Variants in OPN1LW observed in about 807,000 individuals in gnomAD.
OPN1LW encodes the protein opsin 1, long wave sensitive, also known as long-wave-sensitive opsin 1.
In OPN1LW, 4 loss-of-function variants were observed where a neutral mutation model predicts 18.1. The observed-to-expected ratio is 0.22, with a 90% CI of 0.11 to 0.51. The LOEUF (loss-of-function observed/expected upper bound fraction) is 0.51, where lower values mean the gene tolerates loss of function less well. Ranked by LOEUF, OPN1LW falls within the 20% of genes least tolerant of loss-of-function variation. OPN1LW has a pLI of 0.97. For missense variants in OPN1LW, 164 were observed against 234.9 expected, an observed-to-expected ratio of 0.70 and a Z score of 1.97; for synonymous variants, 86 against 101.2, an observed-to-expected ratio of 0.85 and a Z score of 0.90.
At position 154,154,716 on chromosome X, in the gene OPN1LW, C is replaced by A; in HGVS notation, c.721C>A (p.Gln241Lys). The A allele has an allele frequency of 6.7e-6, 8 of 1,193,536 alleles. No individual in the cohort carries two copies. Among genetic ancestry groups the A allele is most frequent in the Non-Finnish European group, 9.1e-6 (8 of 883,607 alleles). Residue 241 changes from glutamine (Q) to lysine (K), a missense_variant, in exon 4 of 6, where the codon CAA becomes AAA. By Grantham distance (53) the Gln-to-Lys change is moderately conservative. This residue lies in a region of OPN1LW where 106 missense variants were observed against 167.7 expected (regional missense o/e 0.63). Transcript: ENST00000369951. ...PLAIIMLCYL[Q>K]VWLAIRAVAK... ...CGCTATCATCATGCTCTGCTACCTC[C>A]AAGTGTGGCTGGCCATCCGAGCGGT...
intron 1 of OPN1LW, 67 bp from the exon 2 acceptor site, chrX:154,150,589 T>A: frequency 8.9e-7 from 1 of 1,119,121 alleles, no homozygotes; most frequent in Non-Finnish European, 1.2e-6. Context: ...AGAGGTGGGA[T>A]CAGCACTGGT....
At position 154,148,210 on chromosome X, in the gene OPN1LW, C is replaced by T. The variant is rs782625204; in HGVS notation, c.113-2446C>T. On this transcript the variant is annotated intron_variant, in intron 1 of 5. Coordinates refer to ENST00000369951, the MANE Select transcript of OPN1LW (RefSeq NM_020061.6). ...GTTGCAGTGAGCTATGATTGTGCCA[C>T]TGTACTCCAGCCTGGGTGCCAGAGC... 8.9e-4 allele frequency among the ~76,000 whole-genome samples: 92 copies of T among 103,785 alleles called. 12 individuals carry two copies. Among genetic ancestry groups the T allele is most frequent in the African/African-American group, 3.0e-3 (71 of 23,844 alleles). 90.1% of individuals were successfully genotyped at this position (103,785 alleles called of 115,157 possible).
rs1292153674 is a variant in OPN1LW, at chrX:154,154,693, C to T, written c.698C>T (p.Ala233Val). ...LMVTCCIIPL[A>V]IIMLCYLQVW... ...GTCACCTGCTGCATCATCCCACTCG[C>T]TATCATCATGCTCTGCTACCTCCAA... Residue 233 changes from alanine (A) to valine (V), a missense_variant, in exon 4 of 6, where the codon GCT becomes GTT. Ala to Val is a moderately conservative substitution (Grantham distance 64, BLOSUM62 0). This residue lies in a region of OPN1LW where 106 missense variants were observed against 167.7 expected (regional missense o/e 0.63). Coordinates refer to ENST00000369951, the MANE Select transcript of OPN1LW (RefSeq NM_020061.6). The T allele has an allele frequency of 8.4e-7, 1 of 1,190,711 alleles. No individual in the cohort carries two copies. The highest frequency in any genetic ancestry group is 1.1e-6 in the Non-Finnish European group (1 of 883,067).
chrX:154,156,463 C>T lies in OPN1LW; in HGVS notation c.914C>T (p.Ala305Val). ...PGYAFHPLMA[A>V]LPAYFAKSAT... ...TACGCCTTCCACCCTTTGATGGCTG[C>T]CCTGCCGGCCTACTTTGCCAAAAGT... Residue 305 changes from alanine to valine, a missense_variant, in exon 5 of 6, where the codon GCC becomes GTC. Ala to Val is a moderately conservative substitution (Grantham distance 64). Coordinates refer to ENST00000369951, the MANE Select transcript of OPN1LW (RefSeq NM_020061.6). 1 of 1,204,986 alleles carries T rather than the reference C, an allele frequency of 8.3e-7. No individual in the cohort carries two copies. The highest frequency in any genetic ancestry group is 1.1e-6 in the Non-Finnish European group (1 of 890,540).
rs1387440715 is a variant in OPN1LW at position 154,148,898 on chromosome X, G to A, written c.113-1758G>A. Among the ~76,000 whole-genome samples, 7 of 105,341 alleles carry A rather than the reference G, an allele frequency of 6.6e-5. 1 individual carries two copies. Among genetic ancestry groups the A allele is most frequent in the Non-Finnish European group, 9.4e-5 (5 of 53,081 alleles). The allele number at this position is 105,341 out of a possible 115,157, so 91.5% of individuals were successfully genotyped here. A position where few individuals can be genotyped will look rare whatever the true frequency, so the allele number is the denominator to read the frequency against. On this transcript the variant is annotated intron_variant, in intron 1 of 5. Coordinates refer to ENST00000369951, the MANE Select transcript of OPN1LW (RefSeq NM_020061.6). ...GACTTGTACTTGTGTCTCAGTACTG[G>A]CTGCTATAAGAAATTACCAGGCTGT...
chrX:154,145,749 T>G (rs1557156985), intron 1 of OPN1LW, among the ~76,000 whole-genome samples: 1 of 99,710 alleles, frequency 1.0e-5, no homozygotes, highest in African/African-American at 3.8e-5. Context: ...TCGGGGTGGG[T>G]TTTTTTTTTT....
In OPN1LW at chrX:154,156,491, C is replaced by A. The variant is rs1557158020; in HGVS notation, c.942C>A (p.Ala314=). Residue 314 remains alanine, a synonymous_variant, in exon 5 of 6, where the codon GCC becomes GCA. Coordinates refer to ENST00000369951, the MANE Select transcript of OPN1LW (RefSeq NM_020061.6). ...AALPAYFAKS[A]TIYNPVIYVF... is the part of the protein sequence containing the mutation. ...TGCCGGCCTACTTTGCCAAAAGTGC[C>A]ACTATCTACAACCCCGTTATCTATG... The A allele has an allele frequency of 1.2e-5, 14 of 1,204,303 alleles. No individual in the cohort carries two copies. Among genetic ancestry groups the A allele is most frequent in the Middle Eastern group, 2.3e-4 (1 of 4,322 alleles).
rs149719211 is a variant in OPN1LW at position 154,156,470 on chromosome X, G to C, written c.921G>C (p.Pro307=). ...YAFHPLMAAL[P]AYFAKSATIY... ...TCCACCCTTTGATGGCTGCCCTGCC[G>C]GCCTACTTTGCCAAAAGTGCCACTA... The change falls in exon 5 of 6, where the codon CCG becomes CCC. Residue 307 remains proline (P), a synonymous_variant. Transcript: ENST00000369951. 5.8e-6 allele frequency: 7 copies of C among 1,202,642 alleles called. No individual in the cohort carries two copies. The highest frequency in any genetic ancestry group is 7.9e-6 in the Non-Finnish European group (7 of 890,080).
chrX:154,148,696 G>A (rs1557157195), intron 1 of OPN1LW, among the ~76,000 whole-genome samples: 4 of 105,219 alleles, frequency 3.8e-5, no homozygotes, highest in Admixed American at 1.9e-4. Flanking sequence ...CTCCGAAAAC[G>A]GTCACATTCT....
At chrX:154,149,106 G>T (rs1159924171) in intron 1 of OPN1LW, among the ~76,000 whole-genome samples, 1 of 103,910 alleles carries the variant, frequency 9.6e-6, no homozygotes. Flanking sequence ...TCAGGAGGCT[G>T]AAGCGGGAGA....
At position 154,154,623 on chromosome X, in the gene OPN1LW, G is replaced by A. The variant is rs782715468; in HGVS notation, c.628G>A (p.Gly210Ser). 14 of 1,182,840 alleles carry A rather than the reference G, an allele frequency of 1.2e-5. No homozygotes were observed. In the South Asian group the frequency reaches 1.6e-4, roughly 14 times the overall value. The change falls in exon 4 of 6, where the codon GGC (glycine) becomes AGC (serine). Residue 210 changes from glycine (G) to serine (S), a missense_variant. Coordinates refer to ENST00000369951, the MANE Select transcript of OPN1LW (RefSeq NM_020061.6). ...KTSCGPDVFS[G>S]SSYPGVQSYM... ...TTCATGCGGCCCAGACGTGTTCAGC[G>A]GCAGCTCGTACCCCGGGGTGCAGTC...
Position 154,154,750 on chromosome X carries a change from C to G in OPN1LW, c.744+11C>G, listed in dbSNP as rs781890434. 1 of 1,184,561 alleles carries G rather than the reference C, an allele frequency of 8.4e-7. No homozygotes were observed. Among genetic ancestry groups the G allele is most frequent in the Non-Finnish European group, 1.1e-6 (1 of 878,153 alleles). On this transcript the variant is annotated intron_variant, in intron 4 of 5. Transcript: ENST00000369951. ...CTGGCCATCCGAGCGGTAAGCCCCC[C>G]GATTCCTCCTGGCCTCACCCGCCTC...
chrX:154,149,110 C>T (rs1362978075), intron 1 of OPN1LW, among the ~76,000 whole-genome samples: 17 of 102,993 alleles, frequency 1.7e-4, no homozygotes, highest in Non-Finnish European at 3.0e-4. Flanking sequence ...GAGGCTGAAG[C>T]GGGAGAATGG....
Position 154,150,650 on chromosome X carries a change from C to T in OPN1LW, c.113-6C>T, listed in dbSNP as rs1447733718. 1 of 1,193,022 alleles carries T rather than the reference C, an allele frequency of 8.4e-7. No individual in the cohort carries two copies. The highest frequency in any genetic ancestry group is 1.9e-5 in the African/African-American group (1 of 53,214). ...CTCCTCTCTCTCCTCTGCCTCCTGC[C>T]CTCAGGCCCCTTCGAAGGCCCGAAT... On this transcript the variant is annotated splice_polypyrimidine_tract_variant and splice_region_variant and intron_variant, in intron 1 of 5. Coordinates refer to ENST00000369951, the MANE Select transcript of OPN1LW (RefSeq NM_020061.6).
At chrX:154,149,565 G>C (rs1557157334) in intron 1 of OPN1LW, among the ~76,000 whole-genome samples, 1 of 91,043 alleles carries the variant, frequency 1.1e-5, no homozygotes, top group Non-Finnish European at 2.0e-5. Context: ...GAAAGGAAAA[G>C]AATAAAAGAG....
rs1288768228 is a variant in OPN1LW at position 154,154,708 on chromosome X, G to T, written c.713G>T (p.Cys238Phe). The T allele has an allele frequency of 2.5e-6, 3 of 1,189,562 alleles. No individual in the cohort carries two copies. The highest frequency in any genetic ancestry group is 1.1e-6 in the Non-Finnish European group (1 of 882,797). Reference protein sequence around the residue: ...CIIPLAIIMLCYLQVWLAIRA... With the variant: ...CIIPLAIIMLFYLQVWLAIRA... ...ATCCCACTCGCTATCATCATGCTCTGCTACCTCCAAGTGTGGCTGGCCATC... is the reference window on the plus strand; with the variant it reads ...ATCCCACTCGCTATCATCATGCTCTTCTACCTCCAAGTGTGGCTGGCCATC... The change falls in exon 4 of 6, where the codon TGC becomes TTC. Residue 238 changes from cysteine (C) to phenylalanine (F), a missense_variant. Cys to Phe is a radical substitution (Grantham distance 205). This residue lies in a region of OPN1LW where 106 missense variants were observed against 167.7 expected (regional missense o/e 0.63). Coordinates refer to ENST00000369951, the MANE Select transcript of OPN1LW (RefSeq NM_020061.6).
In OPN1LW at chrX:154,156,490, C is replaced by G. The variant is rs1557158018; in HGVS notation, c.941C>G (p.Ala314Gly). Reference sequence around the variant, plus strand: ...CTGCCGGCCTACTTTGCCAAAAGTGCCACTATCTACAACCCCGTTATCTAT... The same window carrying G: ...CTGCCGGCCTACTTTGCCAAAAGTGGCACTATCTACAACCCCGTTATCTAT... ...AALPAYFAKS[A>G]TIYNPVIYVF... The change falls in exon 5 of 6, where the codon GCC becomes GGC. Residue 314 changes from alanine to glycine, a missense_variant. Around this residue, in one of 3 missense-constraint regions of OPN1LW, gnomAD observed 53 missense variants for 50.2 expected, o/e 1.06. Coordinates refer to ENST00000369951, the MANE Select transcript of OPN1LW (RefSeq NM_020061.6). 4 of 1,204,313 alleles carry G rather than the reference C, an allele frequency of 3.3e-6. No individual in the cohort carries two copies. The highest frequency in any genetic ancestry group is 4.5e-6 in the Non-Finnish European group (4 of 890,359).
Position 154,150,815 on chromosome X carries a change from T to A in OPN1LW, c.272T>A (p.Ile91Asn), listed in dbSNP as rs1557157443. ...AAGCTGCGCCACCCGCTGAACTGGATCCTGGTGAACCTGGCGGTCGCTGAC... is the reference window on the plus strand; with the variant it reads ...AAGCTGCGCCACCCGCTGAACTGGAACCTGGTGAACCTGGCGGTCGCTGAC... ...FKKLRHPLNW[I>N]LVNLAVADLA... Residue 91 changes from isoleucine (I) to asparagine (N), a missense_variant, in exon 2 of 6, where the codon ATC becomes AAC. Ile to Asn is a moderately radical substitution (Grantham distance 149, BLOSUM62 -3). Coordinates refer to ENST00000369951, the MANE Select transcript of OPN1LW (RefSeq NM_020061.6). 1 of 1,201,088 alleles carries A rather than the reference T, an allele frequency of 8.3e-7. No individual in the cohort carries two copies. The highest frequency in any genetic ancestry group is 2.2e-5 in the Admixed American group (1 of 45,673).
intron 1 of OPN1LW, among the ~76,000 whole-genome samples, chrX:154,148,260 G>C (rs1325333030): frequency 9.7e-6 from 1 of 102,675 alleles, no homozygotes; most frequent in Non-Finnish European, 1.9e-5. Context: ...ATTTGGTGTT[G>C]TTGTTGTTGC....
Sources: gnomAD v4.1 joint callset for allele counts (sites outside exome capture counted in the v4.1 genomes callset) on GRCh38, gnomAD v4.1.1 for gene constraint, gnomAD v4.1.1 regional missense constraint, MANE v1.5 for transcripts, NCBI Gene and HGNC (gene_info 2026-07-23, HGNC 2026-07-21) for gene names.